ADGRG4: variants seen among roughly 807,000 people sequenced by gnomAD.
ADGRG4 encodes G protein-coupled receptor 112.
A neutral mutation model predicts 126.2 loss-of-function variants in ADGRG4; 122 were observed. The observed-to-expected ratio is 0.97, with a 90% confidence interval of 0.83 to 1.12. The LOEUF (loss-of-function observed/expected upper bound fraction) is 1.12, where lower values mean the gene tolerates loss of function less well. Among genes scored for constraint, ADGRG4 ranks in the 50% most tolerant of loss-of-function variants. The probability of loss-of-function intolerance (pLI) is 0.00; values close to 1 mark genes in which losing one functional copy is unlikely to be tolerated. For missense variants in ADGRG4, 2,481 were observed against 2,251.8 expected, an observed-to-expected ratio of 1.10 and a Z score of -2.06; for synonymous variants, 943 against 838.7, an observed-to-expected ratio of 1.12 and a Z score of -2.15.
chrX:136,359,254 T>C, intron 10 of ADGRG4, 38 bp from the exon 11 acceptor site: 2 of 1,158,567 alleles, frequency 1.7e-6, no homozygotes, highest in South Asian at 4.1e-5. Flanking sequence ...TCCCTTGACA[T>C]AACTGCAACA....
At position 136,348,841 on chromosome X, in the gene ADGRG4, C is replaced by T; in HGVS notation, c.5135C>T (p.Ala1712Val). 1 of 1,209,562 alleles carries T rather than the reference C, an allele frequency of 8.3e-7. No homozygotes were observed. The highest frequency in any genetic ancestry group is 1.1e-6 in the Non-Finnish European group (1 of 894,678). The part of the protein sequence containing the change: ...ATQQSSQADE[A>V]TTLGILSGIT... ...CAACAGTCATCACAAGCAGATGAGGCTACAACTTTGGGCATATTATCTGGG... is the reference window on the plus strand; with the variant it reads ...CAACAGTCATCACAAGCAGATGAGGTTACAACTTTGGGCATATTATCTGGG... Residue 1712 changes from alanine (A) to valine (V), a missense_variant, in exon 6 of 26, where the codon GCT becomes GTT. Coordinates refer to ENST00000394143, the MANE Select transcript of ADGRG4 (RefSeq NM_153834.4).
chrX:136,348,908 G>A lies in ADGRG4; in HGVS notation c.5202G>A (p.Gly1734=). Residue 1734 remains glycine (G), a synonymous_variant, in exon 6 of 26, where the codon GGG becomes GGA. Transcript: ENST00000394143. ...RSLSTVNSGT[G]VALTDTYSRI... is the part of the protein sequence containing the mutation. ...TATCTACTGTGAACAGTGGTACAGG[G>A]GTAGCTCTCACAGATACTTATTCCA... The A allele has an allele frequency of 8.3e-7, 1 of 1,203,863 alleles. No individual in the cohort carries two copies. Among genetic ancestry groups the A allele is most frequent in the Non-Finnish European group, 1.1e-6 (1 of 889,478 alleles).
At chrX:136,333,553 T>C (rs1233440327) in intron 5 of ADGRG4, among the ~76,000 whole-genome samples, 3 of 112,329 alleles carry the variant, frequency 2.7e-5, no homozygotes, top group Non-Finnish European at 5.6e-5. Flanking sequence ...AGTCTTGCTC[T>C]GTTGCCCAGG....
chrX:136,357,321 T>C (rs750926071), intron 9 of ADGRG4, among the ~76,000 whole-genome samples: 1 of 111,893 alleles, frequency 8.9e-6, no homozygotes, highest in African/African-American at 3.2e-5. Context: ...CTATGTTAAG[T>C]GTTTAACACT....
In ADGRG4 at chrX:136,350,335, C is replaced by T; in HGVS notation, c.6629C>T (p.Ser2210Leu). The change falls in exon 6 of 26, where the codon TCA (serine) becomes TTA (leucine). Residue 2210 changes from serine (S) to leucine (L), a missense_variant. Transcript: ENST00000394143. ...TATCCTTTTACAGCAACTGTGTCTT[C>T]ACCAATATCGTCCTTTTTTGAAACA... ...VTYPFTATVS[S>L]PISSFFETTW... is the part of the protein sequence containing the mutation. 1 of 1,210,152 alleles carries T rather than the reference C, an allele frequency of 8.3e-7. No homozygotes were observed.
chrX:136,378,307 T>A (rs970536596), intron 15 of ADGRG4, among the ~76,000 whole-genome samples: 1 of 111,439 alleles, frequency 9.0e-6, no homozygotes, highest in African/African-American at 3.3e-5. Flanking sequence ...TATGAAATAT[T>A]ATTTATATTA....
At position 136,361,510 on chromosome X, in the gene ADGRG4, G is replaced by A; in HGVS notation, c.7200G>A (p.Lys2400=). The A allele has an allele frequency of 8.4e-7, 1 of 1,189,454 alleles. No individual in the cohort carries two copies. Among genetic ancestry groups the A allele is most frequent in the South Asian group, 1.9e-5 (1 of 53,624 alleles). Residue 2400 remains lysine, a synonymous_variant, in exon 12 of 26, where the codon AAG becomes AAA. Transcript: ENST00000394143. ...ETASKYKGTY[K]WLLTNPTETA... is the part of the protein sequence containing the mutation. ...CCTCTAAATACAAAGGGACCTATAA[G>A]TGGCTATTAACCAACCCTACGGAGA...
chrX:136,353,947 G>T (rs1837330888), intron 8 of ADGRG4, among the ~76,000 whole-genome samples: 1 of 111,524 alleles, frequency 9.0e-6, no homozygotes. Context: ...CACCTGAGAA[G>T]TATTTCCTGT....
intron 25 of ADGRG4, 22 bp from the exon 26 acceptor site, chrX:136,416,432 T>C: frequency 8.4e-7 from 1 of 1,186,857 alleles, no homozygotes; most frequent in Non-Finnish European, 1.1e-6. Flanking sequence ...AGCTGAAAAT[T>C]TTCTTTTTTT....
chrX:136,322,713 C>T (rs375750577), intron 4 of ADGRG4, 65 bp from the exon 5 acceptor site: 1 of 1,046,853 alleles, frequency 9.6e-7, no homozygotes, highest in African/African-American at 1.9e-5. Flanking sequence ...TTGCCAAATA[C>T]AATAAAACAA....
intron 24 of ADGRG4, 23 bp downstream of exon 24, chrX:136,412,389 G>A (rs1183065868): frequency 4.2e-6 from 4 of 951,575 alleles, no homozygotes; most frequent in Non-Finnish European, 6.1e-6. Flanking sequence ...TTTGGATGAA[G>A]TTTTGAATAT....
rs770028543 is a variant in ADGRG4 at position 136,371,427 on chromosome X, A to G, written c.7496A>G (p.Asp2499Gly). Reference sequence around the variant, plus strand: ...AAGATTATTGTTTCTAAAATATCAGATATTTCACAATGTGATGAGATAAGT... The same window carrying G: ...AAGATTATTGTTTCTAAAATATCAGGTATTTCACAATGTGATGAGATAAGT... ...ETKIIVSKIS[D>G]ISQCDEISMN... The change falls in exon 14 of 26, where the codon GAT becomes GGT. Residue 2499 changes from aspartate (D) to glycine (G), a missense_variant. Coordinates refer to ENST00000394143, the MANE Select transcript of ADGRG4 (RefSeq NM_153834.4). 2.5e-6 allele frequency: 3 copies of G among 1,179,330 alleles called. No homozygotes were observed. The Admixed American group carries it at 6.6e-5, about 26-fold the overall frequency.
chrX:136,367,793 G>A (rs1444816491), intron 13 of ADGRG4, among the ~76,000 whole-genome samples: 2 of 112,223 alleles, frequency 1.8e-5, no homozygotes, highest in East Asian at 5.5e-4. Context: ...ACAAGCATTA[G>A]ATATCTTGGT....
At chrX:136,404,638 G>A (rs1174937174) in intron 22 of ADGRG4, among the ~76,000 whole-genome samples, 1 of 111,270 alleles carries the variant, frequency 9.0e-6, no homozygotes, top group Non-Finnish European at 1.9e-5. Flanking sequence ...TACCCAAGTG[G>A]TAGATATACA....
intron 4 of ADGRG4, among the ~76,000 whole-genome samples, chrX:136,317,499 C>CAAATAAAA: frequency 2.5e-5 from 1 of 40,650 alleles, no homozygotes; most frequent in Non-Finnish European, 4.3e-5. Flanking sequence ...GACTCCATCT[C>CAAATAAAA]AAAAAAAAAA....
intron 15 of ADGRG4, among the ~76,000 whole-genome samples, chrX:136,377,331 C>T (rs2075233825): frequency 9.3e-6 from 1 of 107,652 alleles, no homozygotes; most frequent in African/African-American, 3.4e-5. Context: ...TAGCTGTGGC[C>T]ACAGGCACGC....
In ADGRG4 at chrX:136,346,937, T is replaced by G. The variant is rs756789239; in HGVS notation, c.3231T>G (p.Ile1077Met). 5 of 1,209,358 alleles carry G rather than the reference T, an allele frequency of 4.1e-6. No individual in the cohort carries two copies. In the African/African-American group the frequency reaches 5.3e-5, roughly 13 times the overall value. The change falls in exon 6 of 26, where the codon ATT becomes ATG. Residue 1077 changes from isoleucine to methionine, a missense_variant. By Grantham distance (10) the Ile-to-Met change is conservative. Transcript: ENST00000394143. ...AGACTGCTTCCACAACCATTGTTATTGTGCCTACCCATGGAGACTTGATTC... is the reference window on the plus strand; with the variant it reads ...AGACTGCTTCCACAACCATTGTTATGGTGCCTACCCATGGAGACTTGATTC... ...LDQTASTTIV[I>M]VPTHGDLIRT... is the part of the protein sequence containing the mutation.
Position 136,344,692 on chromosome X carries a change from A to G in ADGRG4, c.986A>G (p.Gln329Arg). 3 of 1,206,440 alleles carry G rather than the reference A, an allele frequency of 2.5e-6. No homozygotes were observed. Among genetic ancestry groups the G allele is most frequent in the Non-Finnish European group, 3.4e-6 (3 of 890,740 alleles). Residue 329 changes from glutamine (Q) to arginine (R), a missense_variant, in exon 6 of 26, where the codon CAG (glutamine) becomes CGG (arginine). Coordinates refer to ENST00000394143, the MANE Select transcript of ADGRG4 (RefSeq NM_153834.4). ...STSSAISLPT[Q>R]SISIDNTTNS... ...TCATCAGCCATCTCTCTGCCTACCC[A>G]GAGTATATCCATAGACAATACTACC...
rs2074987735 is a variant in ADGRG4, at chrX:136,342,907, T to C, written c.686-1485T>C. ...GTGTGTGTGTGTGTGTGTGTGTGTGTGTGTGTGTGTGTGTGAGAGAGAGAG... is the reference window on the plus strand; with the variant it reads ...GTGTGTGTGTGTGTGTGTGTGTGTGCGTGTGTGTGTGTGTGAGAGAGAGAG... On this transcript the variant is annotated intron_variant, in intron 5 of 25. Transcript: ENST00000394143. Among the ~76,000 whole-genome samples, 4 of 79,552 alleles carry C rather than the reference T, an allele frequency of 5.0e-5. 1 individual carries two copies. In the Middle Eastern group the frequency reaches 0.022, roughly 436 times the overall value. 69.1% of individuals were successfully genotyped at this position (79,552 alleles called of 115,157 possible).
Sources: allele counts gnomAD v4.1 joint callset (sites outside exome capture counted in the v4.1 genomes callset), GRCh38; gene constraint gnomAD v4.1.1; transcripts MANE v1.5; gene names NCBI Gene and HGNC (gene_info 2026-07-23, HGNC 2026-07-21).